DCHS2: variants seen among roughly 807,000 people sequenced by gnomAD.
DCHS2 encodes the protein protocadherin-23.
DCHS2 carries 142 observed loss-of-function variants against 182.4 expected under a neutral mutation model. The ratio of observed to expected loss-of-function variants is 0.78; its 90% CI spans 0.68 to 0.89. The LOEUF is 0.89. DCHS2 is among the 40% of genes least tolerant of loss of function. DCHS2 has a pLI of 0.00. For missense variants in DCHS2, 4,319 were observed against 4,198.6 expected (o/e 1.03, Z -0.79); for synonymous variants, 1,740 against 1,663.3 (o/e 1.05, Z -1.12).
At chr4:154,333,571 TAC>T in intron 4 of DCHS2, 77 bp from the exon 5 acceptor site, 1 of 1,375,504 alleles carries the variant, frequency 7.3e-7, no homozygotes, top group South Asian at 1.4e-5. Context: ...GAAATGTTAA[TAC>T]AGTCATCCAC....
intron 1 of DCHS2, among the ~76,000 whole-genome samples, chr4:154,443,034 C>A (rs182071137): frequency 6.6e-6 from 1 of 152,018 alleles, no homozygotes; most frequent in Non-Finnish European, 1.5e-5. Flanking sequence ...CACCTCCTCC[C>A]CTCTGTCCAG....
chr4:154,491,239 G>T lies in DCHS2; in HGVS notation c.117C>A (p.Ser39Arg), dbSNP rs1395798094. ...GCAGGGAGCGCTGCGTCCTGGCGCC[G>T]CTGCTGCCTGACCGCCCATGGGGTG... ...RDTPHGRSGS[S>R]GARTQRSLLW... Residue 39 changes from serine to arginine, a missense_variant, in exon 1 of 20, where the codon AGC becomes AGA. By Grantham distance (110) the Ser-to-Arg change is moderately radical. Coordinates refer to ENST00000357232, the MANE Select transcript of DCHS2 (RefSeq NM_001358235.2). 2.6e-6 allele frequency: 4 copies of T among 1,551,336 alleles called. No homozygotes were observed. Among genetic ancestry groups the T allele is most frequent in the Non-Finnish European group, 8.7e-7 (1 of 1,146,996 alleles).
chr4:154,323,060 C>T (rs1354188331), intron 7 of DCHS2: 8 of 762,970 alleles, frequency 1.0e-5, no homozygotes, highest in African/African-American at 1.7e-5. Flanking sequence ...TCTATGGATT[C>T]CTGCCACCCA....
chr4:154,316,121 A>G, intron 9 of DCHS2, 134 bp from the exon 10 acceptor site: 2 of 1,386,416 alleles, frequency 1.4e-6, no homozygotes, highest in South Asian at 3.0e-5. Context: ...AACTGCATTA[A>G]ATCATCTTTA....
Position 154,234,711 on chromosome 4 carries a change from G to GTTCTATGGTAGGTA in DCHS2, c.9940_9941insTACCTACCATAGAA (p.Pro3314LeufsTer16). On this transcript the variant is annotated frameshift_variant, in exon 20 of 20. Coordinates refer to ENST00000357232, the MANE Select transcript of DCHS2 (RefSeq NM_001358235.2). LOFTEE classifies it low-confidence loss of function (END_TRUNC). ...TTCTGGCAGAGAACCAAGATGGTAGGGGATGGGAGAGCGTGGGTGTTTCGG... is the reference window on the plus strand; with the variant it reads ...TTCTGGCAGAGAACCAAGATGGTAGGTTCTATGGTAGGTAGGATGGGAGAGCGTGGGTGTTTCGG... 6.2e-7 allele frequency: 1 copy of GTTCTATGGTAGGTA among 1,614,034 alleles called. No individual in the cohort carries two copies. Among genetic ancestry groups the GTTCTATGGTAGGTA allele is most frequent in the Non-Finnish European group, 8.5e-7 (1 of 1,179,950 alleles).
intron 1 of DCHS2, among the ~76,000 whole-genome samples, chr4:154,391,602 A>T (rs1350673150): frequency 6.6e-6 from 1 of 152,160 alleles, no homozygotes; most frequent in East Asian, 1.9e-4. Flanking sequence ...GGCGATGGGC[A>T]ACTGGGCCAG....
intron 3 of DCHS2, among the ~76,000 whole-genome samples, chr4:154,348,578 G>A (rs190481092): frequency 1.3e-5 from 2 of 151,934 alleles, no homozygotes; most frequent in Admixed American, 1.3e-4. Flanking sequence ...GGTTTTAAGG[G>A]TGCCCTAAAT....
chr4:154,239,234 G>C lies in DCHS2; in HGVS notation c.7428C>G (p.Ser2476Arg). The change falls in exon 19 of 20, where the codon AGC (serine) becomes AGG (arginine). Residue 2476 changes from serine to arginine, a missense_variant. Ser to Arg is a moderately radical substitution (Grantham distance 110). Coordinates refer to ENST00000357232, the MANE Select transcript of DCHS2 (RefSeq NM_001358235.2). ...GAATTCTGTAAGAAATGTTCTCATTGCTTTCTAAGTCTGTGGCTGACAGAG... is the reference window on the plus strand; with the variant it reads ...GAATTCTGTAAGAAATGTTCTCATTCCTTTCTAAGTCTGTGGCTGACAGAG... The part of the protein sequence containing the change: ...VLTLSATDLE[S>R]NENISYRILS... 6.2e-7 allele frequency: 1 copy of C among 1,613,466 alleles called. No individual in the cohort carries two copies. The highest frequency in any genetic ancestry group is 1.3e-5 in the African/African-American group (1 of 75,004).
chr4:154,452,591 T>G lies in DCHS2; in HGVS notation c.2052+36713A>C, dbSNP rs563899461. Among the ~76,000 whole-genome samples the G allele has an allele frequency of 8.8e-4, 134 of 151,980 alleles. 1 individual carries two copies. Among genetic ancestry groups the G allele is most frequent in the African/African-American group, 3.1e-3 (130 of 41,416 alleles). ...GTGAGCCAAGACTGTGCTGCTGCAC[T>G]CCAGCCTGGGCAACAAGGCAAGACT... On this transcript the variant is annotated intron_variant, in intron 1 of 19. Coordinates refer to ENST00000357232, the MANE Select transcript of DCHS2 (RefSeq NM_001358235.2).
intron 1 of DCHS2, among the ~76,000 whole-genome samples, chr4:154,392,658 C>A (rs1230405049): frequency 6.6e-6 from 1 of 152,166 alleles, no homozygotes; most frequent in African/African-American, 2.4e-5. Flanking sequence ...GAAAACCATG[C>A]ACATAGATCT....
rs765023017 is a variant in DCHS2 at position 154,298,597 on chromosome 4, G to C, written c.5717C>G (p.Ser1906Cys). The C allele has an allele frequency of 9.9e-6, 16 of 1,614,000 alleles. No homozygotes were observed. The highest frequency in any genetic ancestry group is 1.7e-5 in the Admixed American group (1 of 60,004). The change falls in exon 13 of 20, where the codon TCT becomes TGT. Residue 1906 changes from serine (S) to cysteine (C), a missense_variant. Coordinates refer to ENST00000357232, the MANE Select transcript of DCHS2 (RefSeq NM_001358235.2). ...GCTCCTAGGTGGATCTCCCAGGTCAGAGCACAGAATGACAAGGGTAAAATT... is the reference window on the plus strand; with the variant it reads ...GCTCCTAGGTGGATCTCCCAGGTCACAGCACAGAATGACAAGGGTAAAATT... The part of the protein sequence containing the change: ...ISNFTLVILC[S>C]DLGDPPRSSV...
chr4:154,488,047 G>T (rs112007950), intron 1 of DCHS2, among the ~76,000 whole-genome samples: 2 of 152,114 alleles, frequency 1.3e-5, no homozygotes. Context: ...CCATGTTGGC[G>T]CATGCCTGTG....
intron 10 of DCHS2, among the ~76,000 whole-genome samples, chr4:154,310,786 A>G (rs1735644529): frequency 6.6e-6 from 1 of 152,214 alleles, no homozygotes; most frequent in Non-Finnish European, 1.5e-5. Context: ...TGGTAGAGAT[A>G]TTATGATGAC....
intron 1 of DCHS2, among the ~76,000 whole-genome samples, chr4:154,419,912 T>C (rs769346285): frequency 1.3e-5 from 2 of 150,680 alleles, no homozygotes; most frequent in Admixed American, 6.6e-5. Flanking sequence ...TGGACATATA[T>C]AGGCAGGGAG....
rs1040892804 is a variant in DCHS2, at chr4:154,426,357, T to C, written c.2053-48913A>G. On this transcript the variant is annotated intron_variant, in intron 1 of 19. Transcript: ENST00000357232. ...AGTTGCCATCAGTTGGTGACAGTAA[T>C]AGTACCATAGATTCTTTAAAGTCAC... Among the ~76,000 whole-genome samples, 4 of 152,186 alleles carry C rather than the reference T, an allele frequency of 2.6e-5. No individual in the cohort carries two copies. The South Asian group carries it at 6.2e-4, about 24-fold the overall frequency.
intron 1 of DCHS2, among the ~76,000 whole-genome samples, chr4:154,487,834 C>T (rs1216694175): frequency 6.6e-6 from 1 of 152,174 alleles, no homozygotes; most frequent in Non-Finnish European, 1.5e-5. Flanking sequence ...CAAGTTATTT[C>T]AGAGTAAATA....
chr4:154,448,372 T>C (rs979738405), intron 1 of DCHS2, among the ~76,000 whole-genome samples: 7 of 152,200 alleles, frequency 4.6e-5, no homozygotes, highest in Admixed American at 2.6e-4. Context: ...GCTGGATGTA[T>C]GATCTTTTCC....
At chr4:154,296,265 T>C (rs181395740) in intron 13 of DCHS2, among the ~76,000 whole-genome samples, 1 of 152,182 alleles carries the variant, frequency 6.6e-6, no homozygotes, top group African/African-American at 2.4e-5. Context: ...AAGTGGTTTA[T>C]CCTTAACTTT....
chr4:154,456,307 A>G (rs73854780), intron 1 of DCHS2, among the ~76,000 whole-genome samples: 1,631 of 152,334 alleles, frequency 0.011, 25 homozygotes, highest in South Asian at 0.072. Context: ...AATCATTCAT[A>G]TAGCAAGCAT....
Sources: allele counts gnomAD v4.1 joint callset (sites outside exome capture counted in the v4.1 genomes callset), GRCh38; gene constraint gnomAD v4.1.1; transcripts MANE v1.5; gene names NCBI Gene and HGNC (gene_info 2026-07-23, HGNC 2026-07-21).